MKLN1: variants seen among roughly 807,000 people sequenced by gnomAD.
MKLN1 encodes the protein muskelin.
In MKLN1, 18 loss-of-function variants were observed where a neutral mutation model predicts 99.0. The ratio of observed to expected loss-of-function variants is 0.18; its 90% CI spans 0.13 to 0.27. The LOEUF is 0.27. Among genes scored for constraint, MKLN1 ranks in the 10% least tolerant of loss-of-function variants. The pLI is 1.00. For synonymous variants in MKLN1, 288 were observed against 293.2 expected, an observed-to-expected ratio of 0.98 and a Z score of 0.18; for missense variants, 621 against 875.9, an observed-to-expected ratio of 0.71 and a Z score of 3.67.
chr7:131,378,754 C>A (rs919811123), intron 2 of MKLN1, among the ~76,000 whole-genome samples: 5 of 152,056 alleles, frequency 3.3e-5, no homozygotes, highest in Non-Finnish European at 7.4e-5. Context: ...TGCTTGAACC[C>A]AGGAGGTCAA....
At chr7:131,264,983 T>C (rs917059036) in intron 3 of MKLN1, among the ~76,000 whole-genome samples, 19 of 151,950 alleles carry the variant, frequency 1.3e-4, no homozygotes, top group African/African-American at 3.6e-4. Flanking sequence ...GGATTACAGG[T>C]ACCCACCACC....
chr7:131,210,348 C>T (rs1037868819), intron 3 of MKLN1, among the ~76,000 whole-genome samples: 5 of 151,930 alleles, frequency 3.3e-5, no homozygotes, highest in Admixed American at 1.3e-4. Flanking sequence ...CTGGGCAACA[C>T]GGAGAAACCC....
intron 12 of MKLN1, among the ~76,000 whole-genome samples, chr7:131,460,313 A>G (rs1440603149): frequency 1.3e-5 from 2 of 152,214 alleles, no homozygotes; most frequent in East Asian, 3.8e-4. Flanking sequence ...ATTTATGAAT[A>G]AAGGACTGTA....
At chr7:131,290,621 G>T (rs1047976096) in intron 3 of MKLN1, among the ~76,000 whole-genome samples, 3 of 152,372 alleles carry the variant, frequency 2.0e-5, no homozygotes, top group Non-Finnish European at 1.5e-5. Context: ...TATGGTGCAT[G>T]TGCAATGCCA....
chr7:131,277,532 C>A (rs1392649673), intron 3 of MKLN1, among the ~76,000 whole-genome samples: 4 of 152,126 alleles, frequency 2.6e-5, no homozygotes, highest in Non-Finnish European at 5.9e-5. Flanking sequence ...GATCCACCTG[C>A]CTCGGCCTCC....
intron 3 of MKLN1, among the ~76,000 whole-genome samples, chr7:131,241,518 C>T (rs1797403299): frequency 6.6e-6 from 1 of 152,108 alleles, no homozygotes; most frequent in Non-Finnish European, 1.5e-5. Context: ...GCCATCCTGG[C>T]CAACATAGTG....
chr7:131,242,765 CAAG>C (rs1488372208), intron 3 of MKLN1: 3 of 695,038 alleles, frequency 4.3e-6, no homozygotes, highest in East Asian at 2.9e-5. Flanking sequence ...CTGCCATGGG[CAAG>C]AAGAAGATCT....
chr7:131,217,921 G>T, intron 3 of MKLN1, among the ~76,000 whole-genome samples: 1 of 152,188 alleles, frequency 6.6e-6, no homozygotes, highest in Non-Finnish European at 1.5e-5. Flanking sequence ...CTGCAGCAAA[G>T]AAAGAGTTTA....
intron 8 of MKLN1, among the ~76,000 whole-genome samples, chr7:131,424,713 T>C (rs1248823885): frequency 2.0e-5 from 3 of 152,166 alleles, no homozygotes; most frequent in Non-Finnish European, 4.4e-5. Context: ...GCCTAAGTAA[T>C]GAAAAATAGA....
In MKLN1 at chr7:131,491,524, C is replaced by T. The variant is rs1797422578; in HGVS notation, c.*3796C>T. On this transcript the variant is annotated 3_prime_UTR_variant, in exon 18 of 18. Coordinates refer to ENST00000352689, the MANE Select transcript of MKLN1 (RefSeq NM_013255.5). ...GTTCTAGACCCTGGCTTCTATCTCC[C>T]TGTGATTTGTTTTAATGCTGAAATG... 6.6e-6 allele frequency: 1 copy of T among 152,098 alleles called. No homozygotes were observed. The highest frequency in any genetic ancestry group is 2.4e-5 in the African/African-American group (1 of 41,424). 9.4% of individuals were successfully genotyped at this position (152,098 alleles called of 1,614,324 possible).
At chr7:131,162,622 T>A (rs1035245753) in intron 2 of MKLN1, among the ~76,000 whole-genome samples, 6 of 152,360 alleles carry the variant, frequency 3.9e-5, no homozygotes, top group African/African-American at 1.4e-4. Context: ...ATTTTTGAAT[T>A]TAGACTTGGG....
intron 6 of MKLN1, among the ~76,000 whole-genome samples, chr7:131,405,418 T>G (rs1794673212): frequency 6.6e-6 from 1 of 152,062 alleles, no homozygotes; most frequent in Admixed American, 6.6e-5. Context: ...AACCAATTTT[T>G]GGTTTGTTCA....
intron 6 of MKLN1, among the ~76,000 whole-genome samples, chr7:131,400,655 T>C (rs931918455): frequency 6.6e-6 from 1 of 151,736 alleles, no homozygotes; most frequent in Admixed American, 6.6e-5. Context: ...AGGCATTTGA[T>C]ACCATTTTGT....
At chr7:131,467,637 T>A (rs1796698939) in intron 15 of MKLN1, among the ~76,000 whole-genome samples, 1 of 152,022 alleles carries the variant, frequency 6.6e-6, no homozygotes, top group South Asian at 2.1e-4. Flanking sequence ...GGAAGTAGAA[T>A]GAGTGAGTTG....
At chr7:131,219,975 G>A (rs139908492) in intron 3 of MKLN1, among the ~76,000 whole-genome samples, 17 of 152,136 alleles carry the variant, frequency 1.1e-4, no homozygotes, top group East Asian at 9.7e-4. Context: ...ACAATATGGC[G>A]CACTGACATG....
At position 131,478,644 on chromosome 7, in the gene MKLN1, C is replaced by G; in HGVS notation, c.2053C>G (p.Leu685Val). 2.1e-6 allele frequency: 3 copies of G among 1,435,386 alleles called. No homozygotes were observed. Among genetic ancestry groups the G allele is most frequent in the Non-Finnish European group, 2.8e-6 (3 of 1,065,960 alleles). The allele number at this position is 1,435,386 out of a possible 1,614,324, so 88.9% of individuals were successfully genotyped here. ...TKEFQLLASA[L>V]FKSGSDFTAL... Reference sequence around the variant, plus strand: ...ACAGTTTCAGCTCCTGGCATCAGCTCTATTCAAATCTGGTTCAGATTTTAC... The same window carrying G: ...ACAGTTTCAGCTCCTGGCATCAGCTGTATTCAAATCTGGTTCAGATTTTAC... The change falls in exon 17 of 18, where the codon CTA becomes GTA. Residue 685 changes from leucine to valine, a missense_variant. Around this residue, in one of 8 missense-constraint regions of MKLN1, gnomAD observed 126 missense variants for 157.4 expected, o/e 0.80. Transcript: ENST00000352689.
At chr7:131,182,456 T>C (rs1293444569) in intron 2 of MKLN1, among the ~76,000 whole-genome samples, 1 of 152,232 alleles carries the variant, frequency 6.6e-6, no homozygotes, top group Non-Finnish European at 1.5e-5. Context: ...CCCTGGAATA[T>C]ACAATTTAGC....
chr7:131,197,378 TTTATTATTATTATTATTATTATTATTA>T (rs139892490), intron 2 of MKLN1, among the ~76,000 whole-genome samples: 7 of 139,274 alleles, frequency 5.0e-5, no homozygotes, highest in East Asian at 2.1e-4. Flanking sequence ...TAATTAAAAT[TTTATTATTATTATTATTATTATTATTA>T]TTATTATTAT....
chr7:131,280,632 GT>G (rs200640415), intron 3 of MKLN1, among the ~76,000 whole-genome samples: 7,824 of 145,300 alleles, frequency 0.054, 274 homozygotes, highest in East Asian at 0.17. Context: ...ATTCATCCAT[GT>G]TTTTTTTTTC....
Sources: allele counts gnomAD v4.1 joint callset (sites outside exome capture counted in the v4.1 genomes callset), GRCh38; gene constraint gnomAD v4.1.1; regional missense constraint gnomAD v4.1.1; transcripts MANE v1.5; gene names NCBI Gene and HGNC (gene_info 2026-07-23, HGNC 2026-07-21).